Variants in PTPN3 observed in about 807,000 individuals in gnomAD.
The protein encoded by PTPN3 is protein tyrosine phosphatase non-receptor type 3.
A neutral mutation model predicts 132.7 loss-of-function variants in PTPN3; 96 were observed. That is an observed-to-expected ratio of 0.72 (90% CI 0.61 to 0.86). PTPN3 has a LOEUF of 0.86. Among genes scored for constraint, PTPN3 ranks in the 40% least tolerant of loss-of-function variants. PTPN3 has a pLI of 0.00. For synonymous variants in PTPN3, 398 were observed against 429.0 expected, an observed-to-expected ratio of 0.93 and a Z score of 0.89; for missense variants, 1,125 against 1,159.6, an observed-to-expected ratio of 0.97 and a Z score of 0.43.
intron 19 of PTPN3, among the ~76,000 whole-genome samples, chr9:109,404,166 G>A (rs144564424): frequency 9.1e-4 from 139 of 152,272 alleles, no homozygotes; most frequent in African/African-American, 3.2e-3. Flanking sequence ...TAGAATAAGA[G>A]GGTGAGACAG....
intron 7 of PTPN3, among the ~76,000 whole-genome samples, chr9:109,444,731 T>TA (rs1436285937): frequency 6.6e-6 from 1 of 152,208 alleles, no homozygotes; most frequent in African/African-American, 2.4e-5. Flanking sequence ...TATAGATCAA[T>TA]ATACAATCCA....
chr9:109,414,583 T>C (rs1328999931), intron 14 of PTPN3, among the ~76,000 whole-genome samples: 1 of 152,218 alleles, frequency 6.6e-6, no homozygotes, highest in African/African-American at 2.4e-5. Flanking sequence ...ACAGCTCATC[T>C]GGGGCTGTAA....
intron 19 of PTPN3, among the ~76,000 whole-genome samples, chr9:109,404,228 A>C (rs749030904): frequency 6.6e-6 from 1 of 152,138 alleles, no homozygotes; most frequent in African/African-American, 2.4e-5. Flanking sequence ...CGAGCCTGAG[A>C]AGGGGGCTGC....
At chr9:109,432,474 T>C (rs1843731937) in intron 10 of PTPN3, among the ~76,000 whole-genome samples, 1 of 152,134 alleles carries the variant, frequency 6.6e-6, no homozygotes, top group African/African-American at 2.4e-5. Flanking sequence ...TACCATTATG[T>C]AGATGGTATT....
chr9:109,449,452 A>C, intron 5 of PTPN3: 1 of 985,548 alleles, frequency 1.0e-6, no homozygotes, highest in Non-Finnish European at 1.2e-6. Flanking sequence ...TCCAAGCTGA[A>C]TTCTGCACTC....
chr9:109,496,966 A>G (rs772685899), intron 1 of PTPN3, among the ~76,000 whole-genome samples: 1 of 152,212 alleles, frequency 6.6e-6, no homozygotes, highest in Non-Finnish European at 1.5e-5. Flanking sequence ...AGCAGGCTTT[A>G]CTTTCTCCCA....
At position 109,382,389 on chromosome 9, in the gene PTPN3, A is replaced by G; in HGVS notation, c.2441T>C (p.Val814Ala). Residue 814 changes from valine to alanine, a missense_variant, in exon 24 of 26, where the codon GTG becomes GCG. Val to Ala is a moderately conservative substitution (Grantham distance 64). Coordinates refer to ENST00000374541, the MANE Select transcript of PTPN3 (RefSeq NM_002829.4). ...CAGAAAGTCGGAGGAGTCATCGGGC[A>G]CACCGTGGTCAGGCCATGCGACGTA... Reference protein sequence around the residue: ...LQYVAWPDHGVPDDSSDFLEF... With the variant: ...LQYVAWPDHGAPDDSSDFLEF... The G allele has an allele frequency of 6.2e-7, 1 of 1,614,192 alleles. No homozygotes were observed. Among genetic ancestry groups the G allele is most frequent in the Non-Finnish European group, 8.5e-7 (1 of 1,180,006 alleles).
chr9:109,533,652 C>T, the PTPN3 span: 3 of 1,496,994 alleles, frequency 2.0e-6, no homozygotes, highest in African/African-American at 4.1e-5. Context: ...CCTTGTTTTC[C>T]TGCACCCTGG....
chr9:109,479,530 T>C (rs1054866739), intron 1 of PTPN3, among the ~76,000 whole-genome samples: 2 of 152,254 alleles, frequency 1.3e-5, no homozygotes, highest in Admixed American at 1.3e-4. Flanking sequence ...CTTTCAGGTA[T>C]ATACGTAGGA....
the PTPN3 span, among the ~76,000 whole-genome samples, chr9:109,521,109 A>G: frequency 6.6e-6 from 1 of 152,182 alleles, no homozygotes; most frequent in Non-Finnish European, 1.5e-5. Flanking sequence ...AAGAGATGGC[A>G]ATCTGGAGAA....
the PTPN3 span, among the ~76,000 whole-genome samples, chr9:109,513,430 A>G: frequency 3.3e-5 from 5 of 151,974 alleles, no homozygotes; most frequent in Non-Finnish European, 7.4e-5. Flanking sequence ...CCCTGTTACG[A>G]GCTCCCCTAG....
At chr9:109,522,869 A>G in the PTPN3 span, among the ~76,000 whole-genome samples, 70 of 152,298 alleles carry the variant, frequency 4.6e-4, no homozygotes, top group South Asian at 1.9e-3. Flanking sequence ...AATATAATTA[A>G]TATGTCCCAC....
At chr9:109,518,302 C>T in the PTPN3 span, among the ~76,000 whole-genome samples, 6 of 152,210 alleles carry the variant, frequency 3.9e-5, no homozygotes, top group Non-Finnish European at 7.3e-5. Flanking sequence ...GCTGAGGTTA[C>T]AGAAAAGAAC....
the PTPN3 span, among the ~76,000 whole-genome samples, chr9:109,509,526 A>T: frequency 3.9e-5 from 6 of 152,184 alleles, no homozygotes; most frequent in African/African-American, 1.4e-4. Context: ...ATCTTTTCTT[A>T]TGCTGGGCTC....
chr9:109,401,230 G>C (rs1421672771), intron 19 of PTPN3, among the ~76,000 whole-genome samples: 1 of 152,058 alleles, frequency 6.6e-6, no homozygotes, highest in Non-Finnish European at 1.5e-5. Flanking sequence ...ACAAAGCCTC[G>C]GATGCACAGC....
Position 109,413,824 on chromosome 9 carries a change from C to T in PTPN3, c.1314-3409G>A, listed in dbSNP as rs533073603. Among the ~76,000 whole-genome samples, 30 of 152,252 alleles carry T rather than the reference C, an allele frequency of 2.0e-4. No individual in the cohort carries two copies. The South Asian group carries it at 6.2e-3, about 32-fold the overall frequency. On this transcript the variant is annotated intron_variant, in intron 14 of 25. Coordinates refer to ENST00000374541, the MANE Select transcript of PTPN3 (RefSeq NM_002829.4). The stretch of plus-strand genomic sequence containing the variant: ...TTCACCCTCCAGAAAACACATGCTT[C>T]TGAACTGTAAAGGCAGCAGGCATCA...
At chr9:109,385,116 G>T (rs763521124) in intron 22 of PTPN3, among the ~76,000 whole-genome samples, 14 of 152,194 alleles carry the variant, frequency 9.2e-5, no homozygotes, top group African/African-American at 1.7e-4. Context: ...ACCAATATCT[G>T]TACTGCCAGA....
intron 21 of PTPN3, among the ~76,000 whole-genome samples, chr9:109,390,738 T>C (rs2131630004): frequency 6.6e-6 from 1 of 152,286 alleles, no homozygotes; most frequent in Middle Eastern, 3.4e-3. Context: ...TTGGCTTATA[T>C]GTACAGAGGA....
chr9:109,391,375 A>G, intron 20 of PTPN3, 96 bp downstream of exon 20: 1 of 1,384,448 alleles, frequency 7.2e-7, no homozygotes, highest in Non-Finnish European at 1.0e-6. Context: ...TTACAGACAC[A>G]CTGAAAATCG....
Sources: allele counts gnomAD v4.1 joint callset (sites outside exome capture counted in the v4.1 genomes callset), GRCh38; gene constraint gnomAD v4.1.1; transcripts MANE v1.5; gene names NCBI Gene and HGNC (gene_info 2026-07-23, HGNC 2026-07-21).